The following SLC16A2 variants were observed in gnomAD, a reference collection of about 807,000 sequenced individuals.
The protein encoded by SLC16A2 is monocarboxylate transporter 8.
In SLC16A2, 3 loss-of-function variants were observed where a neutral mutation model predicts 27.2. The ratio of observed to expected loss-of-function variants is 0.11; its 90% CI spans 0.05 to 0.28. The LOEUF (loss-of-function observed/expected upper bound fraction) is 0.28, where lower values mean the gene tolerates loss of function less well. Among genes scored for constraint, SLC16A2 ranks in the 10% least tolerant of loss-of-function variants. The pLI is 1.00. For missense variants in SLC16A2, 295 were observed against 458.5 expected, an observed-to-expected ratio of 0.64 and a Z score of 3.26; for synonymous variants, 202 against 187.8, an observed-to-expected ratio of 1.08 and a Z score of -0.62.
chrX:74,516,548 C>T (rs1355278557), intron 1 of SLC16A2, among the ~76,000 whole-genome samples: 2 of 111,094 alleles, frequency 1.8e-5, no homozygotes, highest in African/African-American at 6.6e-5. Context: ...ATGTTGTATA[C>T]ATATGATGTG....
intron 1 of SLC16A2, among the ~76,000 whole-genome samples, chrX:74,496,276 G>GCA (rs58357405): frequency 0.015 from 562 of 37,127 alleles, 5 homozygotes; most frequent in Middle Eastern, 0.097. Flanking sequence ...ACACACACAC[G>GCA]CACACACACA....
At chrX:74,463,497 T>C (rs1215523785) in intron 1 of SLC16A2, among the ~76,000 whole-genome samples, 1 of 111,935 alleles carries the variant, frequency 8.9e-6, no homozygotes, top group Non-Finnish European at 1.9e-5. Context: ...TGATGTACAA[T>C]AAACTGCACA....
At chrX:74,488,795 T>C (rs1929769985) in intron 1 of SLC16A2, among the ~76,000 whole-genome samples, 1 of 111,699 alleles carries the variant, frequency 9.0e-6, no homozygotes, top group Admixed American at 9.5e-5. Flanking sequence ...TTTACCTTCT[T>C]TACTGAAAAA....
At chrX:74,471,147 G>C (rs975742686) in intron 1 of SLC16A2, among the ~76,000 whole-genome samples, 1 of 111,674 alleles carries the variant, frequency 9.0e-6, no homozygotes, top group African/African-American at 3.3e-5. Context: ...TTGTGCCTTT[G>C]TTGTTATACA....
chrX:74,421,672 A>C lies in SLC16A2; in HGVS notation c.35A>C (p.Lys12Thr). The C allele has an allele frequency of 8.3e-7, 1 of 1,201,372 alleles. No homozygotes were observed. The highest frequency in any genetic ancestry group is 1.1e-6 in the Non-Finnish European group (1 of 892,422). ...ALQSQASEEA[K>T]GPWQEADQEQ... ...CAAAGCCAGGCGAGCGAGGAAGCAA[A>C]GGGGCCCTGGCAGGAGGCAGACCAG... The change falls in exon 1 of 6, where the codon AAG becomes ACG. Residue 12 changes from lysine to threonine, a missense_variant. This residue lies in a region of SLC16A2 where 92 missense variants were observed against 85.1 expected (regional missense o/e 1.08). Transcript: ENST00000587091.
At chrX:74,447,063 G>T (rs980925853) in intron 1 of SLC16A2, among the ~76,000 whole-genome samples, 1 of 112,199 alleles carries the variant, frequency 8.9e-6, no homozygotes, top group African/African-American at 3.2e-5. Context: ...AGGTGAGGAT[G>T]ACAGAATGAC....
chrX:74,431,625 A>C (rs1928536002), intron 1 of SLC16A2, among the ~76,000 whole-genome samples: 1 of 112,036 alleles, frequency 8.9e-6, no homozygotes, highest in African/African-American at 3.3e-5. Flanking sequence ...CTAAAATAAA[A>C]GTTGAAAAAG....
chrX:74,473,107 C>A, intron 1 of SLC16A2: 1 of 559,252 alleles, frequency 1.8e-6, no homozygotes, highest in Non-Finnish European at 3.2e-6. Flanking sequence ...TGGCCTCCAC[C>A]ACCATAGGGG....
intron 1 of SLC16A2, among the ~76,000 whole-genome samples, chrX:74,448,263 G>T (rs1215045493): frequency 1.9e-5 from 2 of 108,014 alleles, no homozygotes; most frequent in Non-Finnish European, 3.8e-5. Flanking sequence ...CTCATAATAG[G>T]ACAGGTTTGG....
At chrX:74,461,220 A>G (rs1929134970) in intron 1 of SLC16A2, among the ~76,000 whole-genome samples, 1 of 111,723 alleles carries the variant, frequency 9.0e-6, no homozygotes, top group East Asian at 2.8e-4. Flanking sequence ...CAGGTTTGCC[A>G]GTGACAAACA....
At chrX:74,480,883 C>T (rs1929604261) in intron 1 of SLC16A2, among the ~76,000 whole-genome samples, 1 of 111,889 alleles carries the variant, frequency 8.9e-6, no homozygotes, top group Non-Finnish European at 1.9e-5. Context: ...TGACCATTAT[C>T]ATGTTGAAAA....
chrX:74,495,722 T>G (rs1165353045), intron 1 of SLC16A2, among the ~76,000 whole-genome samples: 1 of 111,015 alleles, frequency 9.0e-6, no homozygotes, highest in African/African-American at 3.3e-5. Flanking sequence ...CATTCCTTGG[T>G]AAATGGTTTC....
chrX:74,517,902 G>C (rs1225896140), intron 1 of SLC16A2, among the ~76,000 whole-genome samples: 1 of 111,962 alleles, frequency 8.9e-6, no homozygotes, highest in African/African-American at 3.2e-5. Context: ...ATTTGAGTCT[G>C]GCTTCGTTTA....
intron 1 of SLC16A2, 103 bp downstream of exon 1, chrX:74,422,170 C>G: frequency 1.2e-6 from 1 of 807,782 alleles, no homozygotes; most frequent in Non-Finnish European, 1.8e-6. Context: ...TCCAACGCGC[C>G]TCTCCGACTC....
intron 1 of SLC16A2, among the ~76,000 whole-genome samples, chrX:74,475,582 T>C (rs955745114): frequency 8.9e-6 from 1 of 111,807 alleles, no homozygotes; most frequent in Non-Finnish European, 1.9e-5. Flanking sequence ...TGGTATTGCC[T>C]AGGTTTTCTT....
intron 1 of SLC16A2, among the ~76,000 whole-genome samples, chrX:74,478,674 C>T (rs1929542816): frequency 9.0e-6 from 1 of 111,087 alleles, no homozygotes; most frequent in African/African-American, 3.3e-5. Flanking sequence ...TTAGGGCAGG[C>T]CTGGTGGTGA....
Position 74,511,213 on chromosome X carries a change from G to A in SLC16A2, c.431-9777G>A, listed in dbSNP as rs1257075554. Among the ~76,000 whole-genome samples the A allele has an allele frequency of 3.6e-5, 4 of 109,999 alleles. No homozygotes were observed. In the East Asian group the frequency reaches 8.7e-4, roughly 24 times the overall value. On this transcript the variant is annotated intron_variant, in intron 1 of 5. Transcript: ENST00000587091. ...TTATTTTTTTTTGAGACGGAGTCTC[G>A]CTCTGTCGCCCAGGCTGGAGTGCAG...
At chrX:74,479,945 G>A (rs1303215523) in intron 1 of SLC16A2, among the ~76,000 whole-genome samples, 3 of 112,354 alleles carry the variant, frequency 2.7e-5, no homozygotes. Flanking sequence ...ACCCCCCTGA[G>A]GATGCAGTCT....
intron 1 of SLC16A2, among the ~76,000 whole-genome samples, chrX:74,490,240 G>T (rs976795625): frequency 3.9e-4 from 43 of 110,746 alleles, no homozygotes; most frequent in African/African-American, 1.3e-3. Flanking sequence ...TGTGAAAAAT[G>T]ACCATACTAT....
Sources: gnomAD v4.1 joint callset for allele counts (sites outside exome capture counted in the v4.1 genomes callset) on GRCh38, gnomAD v4.1.1 for gene constraint, gnomAD v4.1.1 regional missense constraint, MANE v1.5 for transcripts, NCBI Gene and HGNC (gene_info 2026-07-23, HGNC 2026-07-21) for gene names.